CADPS: variants seen among roughly 807,000 people sequenced by gnomAD.
CADPS encodes calcium dependent secretion activator.
Under a neutral mutation model 167.3 loss-of-function variants are expected in CADPS, and 57 were observed. The observed-to-expected ratio is 0.34, with a 90% CI of 0.28 to 0.42. CADPS has a LOEUF of 0.42. Ranked by LOEUF, CADPS falls within the 20% of genes least tolerant of loss-of-function variation. The pLI is 1.00. For missense variants in CADPS, 1,414 were observed against 1,738.1 expected (o/e 0.81, Z 3.32); for synonymous variants, 676 against 635.3 (o/e 1.06, Z -0.96).
chr3:62,714,830 A>G lies in CADPS; in HGVS notation c.888+38611T>C, dbSNP rs572607374. On this transcript the variant is annotated intron_variant, in intron 3 of 29. Coordinates refer to ENST00000383710, the MANE Select transcript of CADPS (RefSeq NM_003716.4). ...GTAAAAGTTTTATTTAAAAAAAATTAAGTTTCTACCTATAGACTAAAAGAG... is the reference window on the plus strand; with the variant it reads ...GTAAAAGTTTTATTTAAAAAAAATTGAGTTTCTACCTATAGACTAAAAGAG... 2.3e-4 allele frequency among the ~76,000 whole-genome samples: 35 copies of G among 152,272 alleles called. No homozygotes were observed. In the East Asian group the frequency reaches 5.4e-3, roughly 24 times the overall value.
At position 62,514,481 on chromosome 3, in the gene CADPS, G is replaced by T. The variant is rs558640516; in HGVS notation, c.2581+1578C>A. 2.6e-5 allele frequency among the ~76,000 whole-genome samples: 4 copies of T among 152,100 alleles called. No homozygotes were observed. Among genetic ancestry groups the T allele is most frequent in the Non-Finnish European group, 5.9e-5 (4 of 67,956 alleles). On this transcript the variant is annotated intron_variant, in intron 16 of 29. Transcript: ENST00000383710. The surrounding 1 kb of genome is among the most constrained non-coding windows in gnomAD (Gnocchi z 4.2). The stretch of plus-strand genomic sequence containing the variant: ...AAAAGAGAGTTGAAAAAAAAGAATT[G>T]GTTTCTTCAAAGAATCCCCAGACCT...
At chr3:62,523,699 G>A (rs1251016123) in intron 13 of CADPS, among the ~76,000 whole-genome samples, 2 of 152,182 alleles carry the variant, frequency 1.3e-5, no homozygotes, top group Non-Finnish European at 2.9e-5. Context: ...TTCCACAGAA[G>A]AGGAAACAGT....
At chr3:62,710,153 T>C (rs753289518) in intron 3 of CADPS, among the ~76,000 whole-genome samples, 3 of 152,146 alleles carry the variant, frequency 2.0e-5, no homozygotes, top group Non-Finnish European at 4.4e-5. Flanking sequence ...ACAGAGATTA[T>C]TTTTCTCTCT....
intron 6 of CADPS, among the ~76,000 whole-genome samples, chr3:62,642,735 C>A (rs2067679900): frequency 6.6e-6 from 1 of 151,992 alleles, no homozygotes; most frequent in South Asian, 2.1e-4. Flanking sequence ...ATGGTGAAAC[C>A]CCATCTCTAC....
chr3:62,560,670 A>T (rs1341201268), intron 9 of CADPS, among the ~76,000 whole-genome samples: 1 of 152,254 alleles, frequency 6.6e-6, no homozygotes, highest in Non-Finnish European at 1.5e-5. Flanking sequence ...CTGAGGGAAC[A>T]GTCAGCGAGG....
At chr3:62,586,036 G>C (rs2084537554) in intron 7 of CADPS, among the ~76,000 whole-genome samples, 1 of 152,194 alleles carries the variant, frequency 6.6e-6, no homozygotes, top group Non-Finnish European at 1.5e-5. Context: ...AATTCTGAGA[G>C]TGAAACAGGA....
chr3:62,750,828 T>C (rs1397575026), intron 3 of CADPS, among the ~76,000 whole-genome samples: 3 of 152,212 alleles, frequency 2.0e-5, no homozygotes, highest in Non-Finnish European at 2.9e-5. Context: ...AACAACTCTT[T>C]TATTGCTGTT....
chr3:62,575,003 A>G (rs1334020387), intron 8 of CADPS, among the ~76,000 whole-genome samples: 1 of 152,222 alleles, frequency 6.6e-6, no homozygotes, highest in Non-Finnish European at 1.5e-5. Context: ...GGAAGTGGGC[A>G]AGAAATTTTG....
rs781672398 is a variant in CADPS at position 62,403,193 on chromosome 3, A to C, written c.3778-8T>G. On this transcript the variant is annotated splice_region_variant and splice_polypyrimidine_tract_variant and intron_variant, in intron 28 of 29. Coordinates refer to ENST00000383710, the MANE Select transcript of CADPS (RefSeq NM_003716.4). ...GGAGCTGTTGTACCATTGCTGAAAA[A>C]AGAGACAAAAGTTCTCCAGCCAACA... 6.2e-7 allele frequency: 1 copy of C among 1,601,036 alleles called. No homozygotes were observed. The highest frequency in any genetic ancestry group is 8.6e-7 in the Non-Finnish European group (1 of 1,168,638).
At chr3:62,652,721 GAGAAA>G (rs373441479) in intron 4 of CADPS, among the ~76,000 whole-genome samples, 65 of 151,908 alleles carry the variant, frequency 4.3e-4, no homozygotes, top group South Asian at 1.0e-3. Context: ...AGGGAGAGGA[GAGAAA>G]AGAAAAGAAA....
At chr3:62,648,371 C>T (rs1491001555) in intron 5 of CADPS, among the ~76,000 whole-genome samples, 3 of 151,994 alleles carry the variant, frequency 2.0e-5, no homozygotes, top group African/African-American at 7.3e-5. Context: ...ATATCGAGTA[C>T]TGACAAAGAA....
chr3:62,581,582 G>A (rs1416210630), intron 8 of CADPS, among the ~76,000 whole-genome samples: 1 of 152,086 alleles, frequency 6.6e-6, no homozygotes, highest in Non-Finnish European at 1.5e-5. Flanking sequence ...TTGGGAGGCT[G>A]AGGTGGGAGG....
At chr3:62,608,331 G>A (rs1039714134) in intron 6 of CADPS, among the ~76,000 whole-genome samples, 10 of 148,226 alleles carry the variant, frequency 6.7e-5, no homozygotes, top group Non-Finnish European at 1.3e-4. Context: ...CACCCATATT[G>A]GAGCATATTG....
chr3:62,835,494 G>T (rs144645545), intron 1 of CADPS, among the ~76,000 whole-genome samples: 2 of 152,322 alleles, frequency 1.3e-5, no homozygotes, highest in South Asian at 4.1e-4. Flanking sequence ...GTGATTGGGT[G>T]TGCTTAGCTC....
At chr3:62,461,043 C>T (rs1197638791) in intron 26 of CADPS, among the ~76,000 whole-genome samples, 1 of 152,180 alleles carries the variant, frequency 6.6e-6, no homozygotes, top group African/African-American at 2.4e-5. Context: ...GCTACTCCTA[C>T]ATCTTTATTC....
intron 28 of CADPS, among the ~76,000 whole-genome samples, chr3:62,409,628 A>G (rs954196826): frequency 1.3e-5 from 2 of 152,222 alleles, no homozygotes; most frequent in African/African-American, 4.8e-5. Context: ...GTCCCCTATC[A>G]TCCTACCTCC....
chr3:62,560,821 C>T (rs2079023122), intron 9 of CADPS, among the ~76,000 whole-genome samples: 1 of 152,148 alleles, frequency 6.6e-6, no homozygotes, highest in South Asian at 2.1e-4. Context: ...TGGCTTACGC[C>T]TGTAATCCCA....
intron 11 of CADPS, among the ~76,000 whole-genome samples, chr3:62,540,519 G>T (rs2075513767): frequency 6.6e-6 from 1 of 151,926 alleles, no homozygotes; most frequent in East Asian, 1.9e-4. Context: ...GGATTCAGAT[G>T]GTATCTTGCA....
At chr3:62,563,066 A>G (rs1189577751) in intron 9 of CADPS, among the ~76,000 whole-genome samples, 1 of 152,206 alleles carries the variant, frequency 6.6e-6, no homozygotes, top group Non-Finnish European at 1.5e-5. Flanking sequence ...TGAGTCCTGG[A>G]TCTAGTCATG....
Sources: allele counts gnomAD v4.1 joint callset (sites outside exome capture counted in the v4.1 genomes callset), GRCh38; gene constraint gnomAD v4.1.1; non-coding constraint Gnocchi (gnomAD v3.1); transcripts MANE v1.5; gene names NCBI Gene and HGNC (gene_info 2026-07-23, HGNC 2026-07-21).